CTNNBL1: variants seen among roughly 807,000 people sequenced by gnomAD.
CTNNBL1 encodes the protein beta-catenin-like protein 1.
In CTNNBL1, 31 loss-of-function variants were observed where a neutral mutation model predicts 72.7. The observed-to-expected ratio is 0.43, with a 90% confidence interval of 0.32 to 0.58. The LOEUF is 0.58. Ranked by LOEUF, CTNNBL1 falls within the 20% of genes least tolerant of loss-of-function variation. The pLI, the probability that CTNNBL1 is intolerant of heterozygous loss-of-function variation, is 0.08. For missense variants in CTNNBL1, 534 were observed against 725.1 expected, an observed-to-expected ratio of 0.74 and a Z score of 3.03; for synonymous variants, 240 against 267.3, an observed-to-expected ratio of 0.90 and a Z score of 1.00.
intron 10 of CTNNBL1, among the ~76,000 whole-genome samples, chr20:37,782,719 C>CT (rs1489785278): frequency 6.6e-6 from 1 of 152,176 alleles, no homozygotes; most frequent in East Asian, 1.9e-4. Flanking sequence ...TTTTTTGAGA[C>CT]TAAGTTTTCA....
At chr20:37,840,544 A>C (rs904518641) in intron 12 of CTNNBL1, among the ~76,000 whole-genome samples, 1 of 152,270 alleles carries the variant, frequency 6.6e-6, no homozygotes, top group South Asian at 2.1e-4. Flanking sequence ...TGAGATTTGA[A>C]CCTGTTTTCG....
intron 11 of CTNNBL1, chr20:37,832,372 A>T (rs988241142): frequency 2.6e-5 from 4 of 152,178 alleles, no homozygotes; most frequent in African/African-American, 9.7e-5. Context: ...ATCCCTTGTG[A>T]TTCTCTTTTT....
At chr20:37,824,153 A>G (rs556574174) in intron 11 of CTNNBL1, among the ~76,000 whole-genome samples, 27 of 152,372 alleles carry the variant, frequency 1.8e-4, no homozygotes, top group African/African-American at 4.3e-4. Context: ...ACGTATAGCT[A>G]TCTTCATTAG....
At chr20:37,856,366 A>C (rs1227259368) in intron 13 of CTNNBL1, among the ~76,000 whole-genome samples, 1 of 152,096 alleles carries the variant, frequency 6.6e-6, no homozygotes, top group Non-Finnish European at 1.5e-5. Context: ...ACCACAACAG[A>C]GGTACAAATC....
chr20:37,841,911 G>A (rs1000000123), intron 12 of CTNNBL1, among the ~76,000 whole-genome samples: 4 of 152,104 alleles, frequency 2.6e-5, no homozygotes, highest in African/African-American at 9.7e-5. Context: ...GATCAGCTCT[G>A]GGGCAGAATC....
At chr20:37,866,405 G>A (rs1032600533) in intron 15 of CTNNBL1, among the ~76,000 whole-genome samples, 3 of 152,188 alleles carry the variant, frequency 2.0e-5, no homozygotes, top group African/African-American at 4.8e-5. Context: ...AAGCTCTGTC[G>A]CTTTCTAGTG....
At chr20:37,816,643 G>A (rs182075179) in intron 11 of CTNNBL1, among the ~76,000 whole-genome samples, 2 of 152,016 alleles carry the variant, frequency 1.3e-5, no homozygotes, top group East Asian at 1.9e-4. Flanking sequence ...TGTTTTTCCC[G>A]TCTCTTCTAC....
At chr20:37,698,254 G>A (rs1328146851) in intron 1 of CTNNBL1, among the ~76,000 whole-genome samples, 1 of 152,220 alleles carries the variant, frequency 6.6e-6, no homozygotes, top group Non-Finnish European at 1.5e-5. Context: ...TGCTACTGGA[G>A]AGCACTTTGA....
intron 13 of CTNNBL1, among the ~76,000 whole-genome samples, chr20:37,855,215 T>C (rs762008939): frequency 1.3e-5 from 2 of 151,758 alleles, no homozygotes; most frequent in African/African-American, 2.4e-5. Context: ...CCTTTGTGCA[T>C]GCTCTTATCT....
intron 10 of CTNNBL1, among the ~76,000 whole-genome samples, chr20:37,801,881 G>A (rs1600496721): frequency 2.0e-5 from 3 of 152,160 alleles, no homozygotes; most frequent in Admixed American, 6.5e-5. Flanking sequence ...GAAATAAGAA[G>A]CATCTATATT....
At chr20:37,785,854 A>C (rs932014515) in intron 10 of CTNNBL1, among the ~76,000 whole-genome samples, 1 of 152,106 alleles carries the variant, frequency 6.6e-6, no homozygotes, top group Non-Finnish European at 1.5e-5. Flanking sequence ...TAGTCTTTGC[A>C]GTCTGGGCTT....
At chr20:37,699,458 G>A (rs1378365719) in intron 1 of CTNNBL1, among the ~76,000 whole-genome samples, 1 of 152,216 alleles carries the variant, frequency 6.6e-6, no homozygotes, top group African/African-American at 2.4e-5. Flanking sequence ...GCTGCCTGCC[G>A]AAAGCCAGAC....
rs549238680 is a variant in CTNNBL1, at chr20:37,782,461, TG to T, written c.1031+3127del. The stretch of plus-strand genomic sequence containing the variant: ...GAGGCATAATTTTTATACAGTAAAA[TG>T]TACGCATTTTAAGTGTACAGTTTTG... On this transcript the variant is annotated intron_variant, in intron 10 of 15. Coordinates refer to ENST00000361383, the MANE Select transcript of CTNNBL1 (RefSeq NM_030877.5). 1.5e-3 allele frequency among the ~76,000 whole-genome samples: 225 copies of T among 152,332 alleles called. 1 individual carries two copies. The highest frequency in any genetic ancestry group is 6.8e-3 in the Middle Eastern group (2 of 294).
intron 15 of CTNNBL1, among the ~76,000 whole-genome samples, chr20:37,868,936 C>T (rs979310397): frequency 1.3e-5 from 2 of 152,128 alleles, no homozygotes; most frequent in Admixed American, 6.5e-5. Flanking sequence ...ATATTAGATG[C>T]CATAATGGTC....
chr20:37,858,913 G>A (rs558509660), intron 13 of CTNNBL1, among the ~76,000 whole-genome samples: 25 of 152,218 alleles, frequency 1.6e-4, no homozygotes, highest in African/African-American at 3.6e-4. Context: ...GCATATGTAC[G>A]CAAGTTGGGT....
At chr20:37,701,782 A>G (rs1348104251) in intron 1 of CTNNBL1, among the ~76,000 whole-genome samples, 2 of 152,158 alleles carry the variant, frequency 1.3e-5, no homozygotes, top group African/African-American at 4.8e-5. Flanking sequence ...GGGTCATCTC[A>G]GCTGCAGATG....
intron 11 of CTNNBL1, among the ~76,000 whole-genome samples, chr20:37,804,269 G>T (rs2071932469): frequency 6.6e-6 from 1 of 152,230 alleles, no homozygotes; most frequent in South Asian, 2.1e-4. Flanking sequence ...GAGAGGGAAT[G>T]GAGGGGGTCC....
intron 13 of CTNNBL1, among the ~76,000 whole-genome samples, chr20:37,846,341 G>A (rs1461099276): frequency 6.6e-6 from 1 of 152,126 alleles, no homozygotes; most frequent in Non-Finnish European, 1.5e-5. Context: ...CGAGTGGAGG[G>A]TGTGAGAGGA....
intron 3 of CTNNBL1, among the ~76,000 whole-genome samples, chr20:37,746,174 G>A (rs1370477548): frequency 6.6e-6 from 1 of 152,208 alleles, no homozygotes; most frequent in Non-Finnish European, 1.5e-5. Flanking sequence ...TATAGGACTG[G>A]TGGAAAGATC....
Sources: allele counts gnomAD v4.1 joint callset (sites outside exome capture counted in the v4.1 genomes callset), GRCh38; gene constraint gnomAD v4.1.1; transcripts MANE v1.5; gene names NCBI Gene and HGNC (gene_info 2026-07-23, HGNC 2026-07-21).